The following PRKAG1 variants were observed in gnomAD, a reference collection of about 807,000 sequenced individuals.
PRKAG1 encodes 5'-AMP-activated protein kinase subunit gamma-1.
A neutral mutation model predicts 48.2 loss-of-function variants in PRKAG1; 27 were observed. That is an observed-to-expected ratio of 0.56 (90% CI 0.41 to 0.77). The LOEUF (loss-of-function observed/expected upper bound fraction) is 0.77. PRKAG1 is among the 30% of genes least tolerant of loss of function. The pLI is 0.00. For synonymous variants in PRKAG1, 130 were observed against 147.7 expected, an observed-to-expected ratio of 0.88 and a Z score of 0.87; for missense variants, 287 against 398.3, an observed-to-expected ratio of 0.72 and a Z score of 2.38.
At position 49,010,069 on chromosome 12, in the gene PRKAG1, G is replaced by C. The variant is rs184439746; in HGVS notation, c.58+2993C>G. 2.4e-4 allele frequency among the ~76,000 whole-genome samples: 36 copies of C among 152,136 alleles called. No individual in the cohort carries two copies. In the East Asian group the frequency reaches 3.5e-3, roughly 15 times the overall value. On this transcript the variant is annotated intron_variant, in intron 2 of 11. Coordinates refer to ENST00000548065, the MANE Select transcript of PRKAG1 (RefSeq NM_002733.5). ...TCTGTGTGTACATGAGGTTGGGAGA[G>C]GCAGTTTGCTTTTTCATTTTTATTT... is the stretch of plus-strand genomic sequence containing the variant.
chr12:49,012,801 A>G, intron 2 of PRKAG1: 1 of 475,314 alleles, frequency 2.1e-6, no homozygotes, highest in Non-Finnish European at 3.8e-6. Flanking sequence ...GCCAGCCCAG[A>G]GTTGCCTATG....
intron 7 of PRKAG1, 153 bp from the exon 8 acceptor site, chr12:49,004,786 A>T (rs920236289): frequency 9.0e-6 from 12 of 1,337,858 alleles, no homozygotes; most frequent in African/African-American, 4.4e-5. Flanking sequence ...AGAGAGAGAG[A>T]GAGTGAGAAT....
intron 2 of PRKAG1, chr12:49,009,427 T>C (rs192563460): frequency 6.6e-6 from 1 of 152,080 alleles, no homozygotes; most frequent in Admixed American, 6.5e-5. Flanking sequence ...TTTTCTACTT[T>C]GTTGATTTTT....
intron 2 of PRKAG1, 167 bp from the exon 3 acceptor site, chr12:49,006,019 T>C: frequency 1.8e-6 from 1 of 564,664 alleles, no homozygotes. Flanking sequence ...AAAACCTGGA[T>C]AAACCTCTTA....
chr12:49,013,165 A>C lies in PRKAG1; in HGVS notation c.10-55T>G, dbSNP rs552255532. On this transcript the variant is annotated intron_variant, in intron 1 of 11. Transcript: ENST00000548065. ...AACCTGGTTCCATCCATTTTAGCCT[A>C]GCAACATTAGGGGAAGGGCTGGTGA... The C allele has an allele frequency of 2.0e-6, 3 of 1,485,390 alleles. No individual in the cohort carries two copies. The East Asian group carries it at 6.8e-5, about 34-fold the overall frequency. 92.0% of individuals were successfully genotyped at this position (1,485,390 alleles called of 1,614,324 possible).
chr12:49,013,187 G>T, intron 1 of PRKAG1, 77 bp from the exon 2 acceptor site: 1 of 1,293,636 alleles, frequency 7.7e-7, no homozygotes, highest in Non-Finnish European at 1.1e-6. Context: ...GGAAGGGCTG[G>T]TGAACAAATA....
Position 49,004,545 on chromosome 12 carries a change from G to C in PRKAG1, c.499C>G (p.Leu167Val). Residue 167 changes from leucine (L) to valine (V), a missense_variant, in exon 8 of 12, where the codon CTC becomes GTC. Physicochemically the swap from Leu to Val is conservative, Grantham distance 32. This residue lies in a region of PRKAG1 where 224 missense variants were observed against 344.3 expected (regional missense o/e 0.65). Transcript: ENST00000548065. ...AACTTCAGAATGCGCTTGTGGGTGA[G>C]GATGTACAAAGTATTGCCTGATTCT... The part of the protein sequence containing the change: ...DPESGNTLYI[L>V]THKRILKFLK... 1 of 1,614,144 alleles carries C rather than the reference G, an allele frequency of 6.2e-7. No individual in the cohort carries two copies. Among genetic ancestry groups the C allele is most frequent in the Non-Finnish European group, 8.5e-7 (1 of 1,180,030 alleles).
chr12:49,007,439 T>G (rs1941587023), intron 2 of PRKAG1, among the ~76,000 whole-genome samples: 1 of 152,198 alleles, frequency 6.6e-6, no homozygotes, highest in Non-Finnish European at 1.5e-5. Flanking sequence ...CAAACCCAGA[T>G]CTGTTTCCAA....
rs1565734076 is a variant in PRKAG1, at chr12:49,005,723, G to GA, written c.168+19dup. 1 of 1,610,424 alleles carries GA rather than the reference G, an allele frequency of 6.2e-7. No individual in the cohort carries two copies. Among genetic ancestry groups the GA allele is most frequent in the African/African-American group, 1.3e-5 (1 of 74,798 alleles). ...AACCACAGGCTCCAAAGGGGGAAGG[G>GA]AAAAGAGGATTTCACCCACCTGCAG... On this transcript the variant is annotated intron_variant, in intron 3 of 11. Transcript: ENST00000548065. The surrounding 1 kb of genome is among the most constrained non-coding windows in gnomAD (Gnocchi z 4.1).
chr12:49,009,867 C>T (rs1941688550), intron 2 of PRKAG1, among the ~76,000 whole-genome samples: 1 of 151,802 alleles, frequency 6.6e-6, no homozygotes, highest in African/African-American at 2.4e-5. Flanking sequence ...CCTGCCTCGG[C>T]CTCCCAAAGT....
In PRKAG1 at chr12:49,005,259, T is replaced by C; in HGVS notation, c.309+47A>G. On this transcript the variant is annotated intron_variant, in intron 5 of 11. Coordinates refer to ENST00000548065, the MANE Select transcript of PRKAG1 (RefSeq NM_002733.5). This position sits in a 1 kb window ranked among gnomAD's most constrained non-coding sequence, Gnocchi z 4.1. ...GAGAAAAAGAAATGAGAATGAGGGA[T>C]TTAGGGCAGGGAAAGTGATTTTGGT... The C allele has an allele frequency of 6.2e-7, 1 of 1,612,736 alleles. No individual in the cohort carries two copies. The highest frequency in any genetic ancestry group is 8.5e-7 in the Non-Finnish European group (1 of 1,178,784).
chr12:49,009,858 C>CT (rs1775306201), intron 2 of PRKAG1, among the ~76,000 whole-genome samples: 1 of 152,234 alleles, frequency 6.6e-6, no homozygotes. Context: ...GGTGATCTGC[C>CT]TGCCTCGGCC....
At chr12:49,016,152 T>G (rs1941960396) in intron 1 of PRKAG1, among the ~76,000 whole-genome samples, 1 of 152,138 alleles carries the variant, frequency 6.6e-6, no homozygotes, top group Non-Finnish European at 1.5e-5. Context: ...TTGACCAGGC[T>G]AGTCTTGAGC....
intron 7 of PRKAG1, 23 bp from the exon 8 acceptor site, chr12:49,004,656 A>C (rs764805462): frequency 1.2e-6 from 2 of 1,613,862 alleles, no homozygotes; most frequent in Admixed American, 3.3e-5. Context: ...GGGAGATAAT[A>C]AGTTCCACAG....
chr12:49,002,788 G>C lies in PRKAG1; in HGVS notation c.*111C>G, dbSNP rs1424623042. On this transcript the variant is annotated 3_prime_UTR_variant, in exon 12 of 12. Transcript: ENST00000548065. The stretch of plus-strand genomic sequence containing the variant: ...CCCAGATAGAAGGGCAGGGGACCCT[G>C]AACAGGGAACAGAGTCACAATTCCC... 3 of 1,065,870 alleles carry C rather than the reference G, an allele frequency of 2.8e-6. No individual in the cohort carries two copies. The highest frequency in any genetic ancestry group is 4.2e-6 in the Non-Finnish European group (3 of 712,094). The allele number at this position is 1,065,870 out of a possible 1,614,324, so 66.0% of individuals were successfully genotyped here. A position where few individuals can be genotyped will look rare whatever the true frequency, so the allele number is the denominator to read the frequency against.
chr12:49,005,364 C>T lies in PRKAG1; in HGVS notation c.251G>A (p.Gly84Asp). Residue 84 changes from glycine (G) to aspartate (D), a missense_variant and splice_region_variant, in exon 5 of 12, where the codon GGC (glycine) becomes GAC (aspartate). This residue lies in a region of PRKAG1 where 224 missense variants were observed against 344.3 expected (regional missense o/e 0.65). Transcript: ENST00000548065. This position sits in a 1 kb window ranked among gnomAD's most constrained non-coding sequence, Gnocchi z 4.1. The part of the protein sequence containing the change: ...LWDSKKQSFV[G>D]MLTITDFINI... ...GATGAAATCAGTGATGGTCAGCATGCCTAGAGGACAAGACAGAGCCCTCAG... is the reference window on the plus strand; with the variant it reads ...GATGAAATCAGTGATGGTCAGCATGTCTAGAGGACAAGACAGAGCCCTCAG... 6.2e-7 allele frequency: 1 copy of T among 1,614,010 alleles called. No homozygotes were observed.
At chr12:49,009,108 A>T (rs557506178) in intron 2 of PRKAG1, among the ~76,000 whole-genome samples, 1 of 145,344 alleles carries the variant, frequency 6.9e-6, no homozygotes. Flanking sequence ...GGTTGTTGGA[A>T]TCTTTCCTCT....
chr12:49,018,267 A>G (rs942880181), intron 1 of PRKAG1: 14 of 189,516 alleles, frequency 7.4e-5, no homozygotes, highest in Non-Finnish European at 1.5e-4. Context: ...CAGTATAAAG[A>G]TCTTCAGATG....
At chr12:49,017,164 C>A (rs973622084) in intron 1 of PRKAG1, 25 of 456,026 alleles carry the variant, frequency 5.5e-5, no homozygotes, top group African/African-American at 4.8e-4. Flanking sequence ...CACCATCACT[C>A]CAGTTAGGCT....
Sources: gnomAD v4.1 joint callset for allele counts (sites outside exome capture counted in the v4.1 genomes callset) on GRCh38, gnomAD v4.1.1 for gene constraint, gnomAD v4.1.1 regional missense constraint, Gnocchi (gnomAD v3.1) non-coding constraint, MANE v1.5 for transcripts, NCBI Gene and HGNC (gene_info 2026-07-23, HGNC 2026-07-21) for gene names.